The following HLA-DQB1 variants were observed in gnomAD, a reference collection of about 807,000 sequenced individuals.
HLA-DQB1 encodes the protein major histocompatibility complex, class II, DQ beta 1, also known as HLA class II histocompatibility antigen, DQ beta 1 chain.
A neutral mutation model predicts 26.4 loss-of-function variants in HLA-DQB1; 13 were observed. The ratio of observed to expected loss-of-function variants is 0.49; its 90% CI spans 0.32 to 0.78. The LOEUF (loss-of-function observed/expected upper bound fraction) is 0.78, where lower values mean the gene tolerates loss of function less well. HLA-DQB1 is among the 30% of genes least tolerant of loss of function. The pLI, the probability that HLA-DQB1 is intolerant of heterozygous loss-of-function variation, is 0.03. For missense variants in HLA-DQB1, 158 were observed against 326.2 expected, an observed-to-expected ratio of 0.48 and a Z score of 3.97; for synonymous variants, 60 against 129.1, an observed-to-expected ratio of 0.46 and a Z score of 3.63.
chr6:32,660,939 C>A (rs117867884), intron 4 of HLA-DQB1: 2 of 1,164,250 alleles, frequency 1.7e-6, no homozygotes, highest in African/African-American at 3.3e-5. Context: ...CACTCTCTCA[C>A]CCCAAAGGAA....
At chr6:32,665,840 G>A (rs9274470) in intron 1 of HLA-DQB1, among the ~76,000 whole-genome samples, 58,563 of 113,316 alleles carry the variant, frequency 0.52, 16,773 homozygotes, top group Middle Eastern at 0.67. Flanking sequence ...TCTGTCTGAA[G>A]TGAGTGGTTT....
At chr6:32,666,089 C>A (rs116969302) in intron 1 of HLA-DQB1, among the ~76,000 whole-genome samples, 2 of 108,654 alleles carry the variant, frequency 1.8e-5, no homozygotes, top group Admixed American at 9.9e-5. Flanking sequence ...ACTACAGACA[C>A]CATTGCTGCC....
intron 4 of HLA-DQB1, chr6:32,660,921 C>T (rs9273529): frequency 0.2 from 287,552 of 1,403,924 alleles, 32,550 homozygotes; most frequent in South Asian, 0.24. Flanking sequence ...TCTCATTACA[C>T]AAACAGCCAC....
intron 2 of HLA-DQB1, chr6:32,663,401 G>GATTGATTAATAATA (rs1431618378): frequency 9.1e-6 from 1 of 109,340 alleles, no homozygotes; most frequent in Non-Finnish European, 2.0e-5. Flanking sequence ...GATTAATCAT[G>GATTGATTAATAATA]AATTTTCAAT....
intron 1 of HLA-DQB1, 101 bp downstream of exon 1, chr6:32,666,398 A>T: frequency 2.2e-6 from 1 of 462,290 alleles, no homozygotes; most frequent in African/African-American, 2.2e-5. Flanking sequence ...TTGATGAAAG[A>T]TTGTGTCCAA....
exon 4 of HLA-DQB1, chr6:32,661,450 C>T (rs9273660): frequency 0.12 from 121,586 of 989,316 alleles, 22,527 homozygotes; most frequent in South Asian, 0.2. Context: ...CAGATTCAGA[C>T]TGAGCCCCTA....
At chr6:32,665,252 G>T (rs281861900) in intron 1 of HLA-DQB1, among the ~76,000 whole-genome samples, 185 bp from the exon 2 acceptor site, 1 of 118,844 alleles carries the variant, frequency 8.4e-6, no homozygotes, top group Non-Finnish European at 1.8e-5. Context: ...TTCTTTGCGG[G>T]CTTCTGGAAT....
chr6:32,666,063 T>C (rs281861213), intron 1 of HLA-DQB1, among the ~76,000 whole-genome samples: 1 of 116,870 alleles, frequency 8.6e-6, no homozygotes, highest in Non-Finnish European at 1.8e-5. Flanking sequence ...GAGACAAATT[T>C]TCCTCAAATA....
At chr6:32,664,658 A>ACCCCCCCCAC in intron 2 of HLA-DQB1, 140 bp downstream of exon 2, 2 of 163,998 alleles carry the variant, frequency 1.2e-5, no homozygotes, top group South Asian at 8.0e-5. Flanking sequence ...TGCCCCCACC[A>ACCCCCCCCAC]CCCCGCCGCC....
chr6:32,661,263 A>C (rs9273575), intron 4 of HLA-DQB1, 84 bp downstream of exon 4: 1 of 593,630 alleles, frequency 1.7e-6, no homozygotes, highest in Non-Finnish European at 2.7e-6. Flanking sequence ...GTCAGGAGGA[A>C]AGAGCTAATC....
At chr6:32,663,905 TA>T in intron 2 of HLA-DQB1, 3 of 98,772 alleles carry the variant, frequency 3.0e-5, no homozygotes, top group Non-Finnish European at 6.8e-5. Context: ...TCTAAGAAAT[TA>T]AAACTCTGCC....
chr6:32,662,016 G>C (rs1301686357), exon 3 of HLA-DQB1: 1 of 1,522,648 alleles, frequency 6.6e-7, no homozygotes, highest in Non-Finnish European at 9.0e-7. Flanking sequence ...CCACGTGGCA[G>C]GTGTAGACAT....
intron 2 of HLA-DQB1, 130 bp downstream of exon 2, chr6:32,664,668 C>T (rs9274355): frequency 0.058 from 16,641 of 287,750 alleles, 3,555 homozygotes; most frequent in African/African-American, 0.1. Flanking sequence ...ACCCCGCCGC[C>T]GCCTCCTTTC....
At chr6:32,666,614 G>C (rs770457774) in exon 1 of HLA-DQB1, 7 of 995,944 alleles carry the variant, frequency 7.0e-6, no homozygotes, top group African/African-American at 3.3e-5. Context: ...ACATAACTGA[G>C]ACGAAGGGAA....
In HLA-DQB1 at chr6:32,665,002, CAA is replaced by C; in HGVS notation, c.173_174del (p.Leu58ArgfsTer7). ...TCTCGGTTATAGATGTATCTGGTCACAAGACGCACGCGCTCCGTCCCGTTGGT... is the reference window on the plus strand; with the variant it reads ...TCTCGGTTATAGATGTATCTGGTCACGACGCACGCGCTCCGTCCCGTTGGT... On this transcript the variant is annotated frameshift_variant, in exon 2 of 5. Transcript: ENST00000434651. LOFTEE classifies it high-confidence loss of function. 7.3e-7 allele frequency: 1 copy of C among 1,366,400 alleles called. No individual in the cohort carries two copies. The highest frequency in any genetic ancestry group is 1.2e-5 in the South Asian group (1 of 80,860). The allele number at this position is 1,366,400 out of a possible 1,614,324, so 84.6% of individuals were successfully genotyped here.
intron 2 of HLA-DQB1, chr6:32,662,689 C>T (rs9274180): frequency 0.065 from 4,377 of 67,518 alleles, 239 homozygotes; most frequent in Admixed American, 0.14. Flanking sequence ...TCTTTCCCCG[C>T]CTCTTTTACA....
Position 32,666,490 on chromosome 6 carries a change from T to C in HLA-DQB1, c.109+9A>G, listed in dbSNP as rs281860854. The C allele has an allele frequency of 2.0e-6, 2 of 992,344 alleles. No individual in the cohort carries two copies. The allele number at this position is 992,344 out of a possible 1,614,324, so 61.5% of individuals were successfully genotyped here. A position where few individuals can be genotyped will look rare whatever the true frequency, so the allele number is the denominator to read the frequency against. ...TGGCGGCTCTGGAGAGCAGCTGCCC[T>C]GCACTTACCGGGAGAGTCTCTGCCC... On this transcript the variant is annotated intron_variant, in intron 1 of 4. Coordinates refer to ENST00000434651, the Ensembl canonical transcript of HLA-DQB1.
At chr6:32,665,637 A>C (rs112068941) in intron 1 of HLA-DQB1, among the ~76,000 whole-genome samples, 1 of 125,580 alleles carries the variant, frequency 8.0e-6, no homozygotes, top group Non-Finnish European at 1.8e-5. Context: ...CTAGATAGAG[A>C]CATTTATTCA....
chr6:32,661,572 T>C, intron 3 of HLA-DQB1, 115 bp from the exon 4 acceptor site: 1 of 653,920 alleles, frequency 1.5e-6, no homozygotes, highest in Non-Finnish European at 2.4e-6. Flanking sequence ...AACCTAGTTC[T>C]CCATTCAGAC....
Sources: gnomAD v4.1 joint callset for allele counts (sites outside exome capture counted in the v4.1 genomes callset) on GRCh38, gnomAD v4.1.1 for gene constraint, MANE v1.5 for transcripts, NCBI Gene and HGNC (gene_info 2026-07-23, HGNC 2026-07-21) for gene names.